Variants in TULP4 observed in about 807,000 individuals in gnomAD.
The protein encoded by TULP4 is TUB like protein 4, also known as tubby-related protein 4.
Under a neutral mutation model 129.0 loss-of-function variants are expected in TULP4, and 16 were observed. The observed-to-expected ratio is 0.12, with a 90% CI of 0.08 to 0.19. TULP4 has a LOEUF of 0.19. TULP4 is among the 10% of genes least tolerant of loss of function. The pLI is 1.00. For missense variants in TULP4, 1,842 were observed against 2,059.1 expected, an observed-to-expected ratio of 0.89 and a Z score of 2.04; for synonymous variants, 998 against 854.0, an observed-to-expected ratio of 1.17 and a Z score of -2.94.
At chr6:158,363,882 A>G (rs1259010094) in intron 1 of TULP4, among the ~76,000 whole-genome samples, 1 of 152,180 alleles carries the variant, frequency 6.6e-6, no homozygotes, top group Non-Finnish European at 1.5e-5. Context: ...AAATAATGTC[A>G]TATGAAAAGA....
At chr6:158,446,545 C>T (rs1232080860) in intron 3 of TULP4, among the ~76,000 whole-genome samples, 2 of 152,306 alleles carry the variant, frequency 1.3e-5, no homozygotes, top group South Asian at 4.1e-4. Flanking sequence ...AATGCAGAGT[C>T]ATTTCCTCCC....
chr6:158,475,559 G>A (rs2128248297), intron 6 of TULP4, among the ~76,000 whole-genome samples: 1 of 152,328 alleles, frequency 6.6e-6, no homozygotes, highest in Non-Finnish European at 1.5e-5. Context: ...AACACAACGT[G>A]AATCTGGGAG....
At chr6:158,303,163 T>A (rs892645567) in intron 1 of TULP4, among the ~76,000 whole-genome samples, 1 of 151,412 alleles carries the variant, frequency 6.6e-6, no homozygotes, top group African/African-American at 2.4e-5. Flanking sequence ...TAGGACCCCG[T>A]GTCTTATCTC....
chr6:158,426,850 G>T (rs1342555289), intron 2 of TULP4, among the ~76,000 whole-genome samples: 1 of 152,192 alleles, frequency 6.6e-6, no homozygotes, highest in Non-Finnish European at 1.5e-5. Flanking sequence ...TCCTATCCGT[G>T]AGCATGTAGT....
intron 1 of TULP4, among the ~76,000 whole-genome samples, chr6:158,392,794 C>CTTTCT (rs1554286994): frequency 7.3e-5 from 4 of 54,646 alleles, no homozygotes; most frequent in Non-Finnish European, 9.0e-5. Flanking sequence ...ATTTGTATTT[C>CTTTCT]TTTTTTTTTT....
In TULP4 at chr6:158,455,607, C is replaced by T. The variant is rs376364554; in HGVS notation, c.859+3339C>T. Among the ~76,000 whole-genome samples the T allele has an allele frequency of 2.0e-5, 3 of 151,854 alleles. No individual in the cohort carries two copies. The South Asian group carries it at 6.2e-4, about 32-fold the overall frequency. On this transcript the variant is annotated intron_variant, in intron 5 of 13. Coordinates refer to ENST00000367097, the MANE Select transcript of TULP4 (RefSeq NM_020245.5). ...CAAAAATTAGCCAGGCGTGGTGGTG[C>T]ATGCCTGTAATCCCAGCTACTTGGG...
intron 8 of TULP4, among the ~76,000 whole-genome samples, chr6:158,487,589 G>A (rs887887289): frequency 1.3e-5 from 2 of 152,214 alleles, no homozygotes; most frequent in African/African-American, 4.8e-5. Flanking sequence ...CTACGACTTA[G>A]ATGTTTTTCC....
At chr6:158,442,979 G>A (rs1583880737) in intron 3 of TULP4, among the ~76,000 whole-genome samples, 2 of 150,962 alleles carry the variant, frequency 1.3e-5, no homozygotes, top group Non-Finnish European at 1.5e-5. Flanking sequence ...CACCATCCTC[G>A]GCTTGTTTGT....
intron 1 of TULP4, among the ~76,000 whole-genome samples, chr6:158,275,149 T>C (rs754399710): frequency 1.3e-5 from 2 of 152,224 alleles, no homozygotes; most frequent in Non-Finnish European, 2.9e-5. Context: ...TGCCGAGTTG[T>C]GGAGTGCTTG....
intron 1 of TULP4, among the ~76,000 whole-genome samples, chr6:158,376,430 C>T (rs746241657): frequency 6.6e-5 from 10 of 152,166 alleles, no homozygotes; most frequent in East Asian, 1.9e-4. Context: ...TCCGCATCCC[C>T]GGCTCCAAAG....
At position 158,286,742 on chromosome 6, in the gene TULP4, A is replaced by G. The variant is rs192683605; in HGVS notation, n.116+4364A>G. ...TTGTTTAATTATGCTCTATGGGTTT[A>G]TTGCCATCCAAGACTGCAGTGTTTT... On this transcript the variant is annotated intron_variant and non_coding_transcript_variant, in intron 1 of 1. Coordinates refer to the TULP4 transcript ENST00000432358. Among the ~76,000 whole-genome samples the G allele has an allele frequency of 1.6e-3, 238 of 152,340 alleles. 2 individuals carry two copies. Among genetic ancestry groups the G allele is most frequent in the African/African-American group, 5.1e-3 (213 of 41,580 alleles).
At chr6:158,241,148 G>A (rs1777896469) in intron 1 of TULP4, among the ~76,000 whole-genome samples, 1 of 135,312 alleles carries the variant, frequency 7.4e-6, no homozygotes, top group South Asian at 2.5e-4. Flanking sequence ...CTCAGACGAT[G>A]GGCGGCCGGG....
At chr6:158,497,748 A>G (rs1374290477) in intron 11 of TULP4, among the ~76,000 whole-genome samples, 2 of 152,238 alleles carry the variant, frequency 1.3e-5, no homozygotes, top group Admixed American at 1.3e-4. Flanking sequence ...AGGAGAAGTT[A>G]CCTTAACCCA....
At chr6:158,406,067 C>A (rs537049006) in intron 1 of TULP4, among the ~76,000 whole-genome samples, 11 of 152,296 alleles carry the variant, frequency 7.2e-5, no homozygotes, top group Admixed American at 6.5e-4. Flanking sequence ...TTTGTGTCCT[C>A]CCTGAATGCA....
intron 6 of TULP4, among the ~76,000 whole-genome samples, chr6:158,463,397 C>T (rs552261235): frequency 3.3e-5 from 5 of 151,714 alleles, no homozygotes; most frequent in African/African-American, 7.3e-5. Flanking sequence ...ATCAGCAGCG[C>T]GTAATAGACG....
chr6:158,420,434 C>T lies in TULP4; in HGVS notation c.381+7241C>T, dbSNP rs547777859. Among the ~76,000 whole-genome samples, 4 of 152,196 alleles carry T rather than the reference C, an allele frequency of 2.6e-5. No homozygotes were observed. In the South Asian group the frequency reaches 8.3e-4, roughly 31 times the overall value. ...ACCACGATCTCTGAACACAGTGCAA[C>T]TGGGTTAGAAGTTAATAACGACGAG... On this transcript the variant is annotated intron_variant, in intron 2 of 13. Coordinates refer to ENST00000367097, the MANE Select transcript of TULP4 (RefSeq NM_020245.5).
At chr6:158,420,597 T>C (rs1778316992) in intron 2 of TULP4, among the ~76,000 whole-genome samples, 1 of 152,002 alleles carries the variant, frequency 6.6e-6, no homozygotes, top group Non-Finnish European at 1.5e-5. Flanking sequence ...TTCTCCTGTC[T>C]CAGCCTCCAG....
intron 1 of TULP4, among the ~76,000 whole-genome samples, chr6:158,240,731 C>G (rs1345001540): frequency 1.5e-5 from 2 of 129,534 alleles, no homozygotes; most frequent in African/African-American, 5.2e-5. Context: ...GACGGGGCGG[C>G]TGGCCGGGCG....
chr6:158,425,535 AATG>A (rs1474003913), intron 2 of TULP4, among the ~76,000 whole-genome samples: 1,909 of 140,682 alleles, frequency 0.014, 60 homozygotes, highest in African/African-American at 0.047. Context: ...AAAAAAAAAA[AATG>A]GCAGCCGACG....
Sources: gnomAD v4.1 joint callset for allele counts (sites outside exome capture counted in the v4.1 genomes callset) on GRCh38, gnomAD v4.1.1 for gene constraint, MANE v1.5 for transcripts, NCBI Gene and HGNC (gene_info 2026-07-23, HGNC 2026-07-21) for gene names.